The following OCA2 variants were observed in gnomAD, a reference collection of about 807,000 sequenced individuals.
The protein encoded by OCA2 is P protein.
Under a neutral mutation model 100.2 loss-of-function variants are expected in OCA2, and 77 were observed. The observed-to-expected ratio is 0.77, with a 90% confidence interval of 0.64 to 0.93. The LOEUF (loss-of-function observed/expected upper bound fraction) is 0.93. OCA2 is among the 40% of genes least tolerant of loss of function. The probability of loss-of-function intolerance (pLI) is 0.00; values close to 1 mark genes in which losing one functional copy is unlikely to be tolerated. For synonymous variants in OCA2, 432 were observed against 439.2 expected, an observed-to-expected ratio of 0.98 and a Z score of 0.21; for missense variants, 1,062 against 1,089.1, an observed-to-expected ratio of 0.98 and a Z score of 0.35.
chr15:27,876,015 T>C (rs985062429), intron 19 of OCA2, among the ~76,000 whole-genome samples: 1 of 152,072 alleles, frequency 6.6e-6, no homozygotes, highest in African/African-American at 2.4e-5. Context: ...TTTATTTCTT[T>C]ATATTGTCAT....
the OCA2 span, among the ~76,000 whole-genome samples, chr15:27,735,777 GA>G: frequency 6.6e-6 from 1 of 152,062 alleles, no homozygotes; most frequent in East Asian, 1.9e-4. Flanking sequence ...TGCCAACCAA[GA>G]ATCTTGTACA....
rs145247627 is a variant in OCA2, at chr15:27,985,151, A to G, written c.1277T>C (p.Ile426Thr). ...GGCCGCGATGAGACAGAGCATGATG[A>G]TCATGGCCCACACCCGTCCCCGGGA... is the stretch of plus-strand genomic sequence containing the variant. ...RLSRGRVWAM[I>T]IMLCLIAAVL... Residue 426 changes from isoleucine to threonine, a missense_variant, in exon 13 of 24, where the codon ATC (isoleucine) becomes ACC (threonine). Physicochemically the swap from Ile to Thr is moderately conservative, Grantham distance 89. Coordinates refer to ENST00000354638, the MANE Select transcript of OCA2 (RefSeq NM_000275.3). 7 of 1,613,746 alleles carry G rather than the reference A, an allele frequency of 4.3e-6. No homozygotes were observed. In the African/African-American group the frequency reaches 9.3e-5, roughly 22 times the overall value.
intron 1 of OCA2, among the ~76,000 whole-genome samples, chr15:28,085,993 C>A: frequency 6.6e-6 from 1 of 152,164 alleles, no homozygotes; most frequent in Non-Finnish European, 1.5e-5. Flanking sequence ...TGGGCACCCT[C>A]CAAAGGCTAT....
intron 23 of OCA2, among the ~76,000 whole-genome samples, chr15:27,771,487 G>A (rs549508532): frequency 3.0e-4 from 46 of 152,238 alleles, no homozygotes; most frequent in Non-Finnish European, 5.9e-4. Flanking sequence ...CCCAGCTGGG[G>A]GGTGCTCCGT....
intron 19 of OCA2, among the ~76,000 whole-genome samples, chr15:27,877,206 C>T (rs2036826184): frequency 6.6e-6 from 1 of 151,900 alleles, no homozygotes; most frequent in Admixed American, 6.6e-5. Flanking sequence ...TGATTTCTAA[C>T]TTAAATTTGT....
chr15:27,757,427 A>C (rs1311838713), intron 23 of OCA2, among the ~76,000 whole-genome samples: 1 of 152,210 alleles, frequency 6.6e-6, no homozygotes, highest in Non-Finnish European at 1.5e-5. Context: ...CCCCTATTAT[A>C]TAGATGAAGC....
intron 23 of OCA2, among the ~76,000 whole-genome samples, chr15:27,766,185 G>A (rs1009507439): frequency 2.0e-5 from 3 of 152,114 alleles, no homozygotes; most frequent in African/African-American, 7.2e-5. Flanking sequence ...GGAAACAGAT[G>A]AAATTAAGTA....
At chr15:27,830,914 T>C (rs2034923677) in intron 23 of OCA2, among the ~76,000 whole-genome samples, 1 of 152,142 alleles carries the variant, frequency 6.6e-6, no homozygotes, top group African/African-American at 2.4e-5. Context: ...CCCAATTCAT[T>C]TGATGGAGCT....
intron 18 of OCA2, among the ~76,000 whole-genome samples, chr15:27,950,057 A>G (rs1452592755): frequency 6.6e-6 from 1 of 152,272 alleles, no homozygotes; most frequent in Non-Finnish European, 1.5e-5. Context: ...GCAGGCTAAA[A>G]GTTTCATAGT....
At chr15:27,988,159 T>C (rs1167692681) in intron 11 of OCA2, among the ~76,000 whole-genome samples, 3 of 151,880 alleles carry the variant, frequency 2.0e-5, no homozygotes, top group Non-Finnish European at 4.4e-5. Context: ...GGGTAAATGG[T>C]CCCATGGGTG....
intron 19 of OCA2, among the ~76,000 whole-genome samples, chr15:27,921,902 A>G (rs1418108208): frequency 1.3e-5 from 2 of 152,132 alleles, no homozygotes; most frequent in African/African-American, 2.4e-5. Context: ...AAGTCTCACT[A>G]TGTTACCCAG....
chr15:27,907,281 C>A (rs536670321), intron 19 of OCA2, among the ~76,000 whole-genome samples: 20 of 152,160 alleles, frequency 1.3e-4, no homozygotes, highest in African/African-American at 4.3e-4. Context: ...TAAAAATGTT[C>A]TATTGAAACA....
At chr15:27,751,980 T>C (rs192533082), downstream of OCA2, among the ~76,000 whole-genome samples, 11 of 152,348 alleles carry the variant, frequency 7.2e-5, no homozygotes, top group Admixed American at 6.5e-5. Context: ...TCTTCTGTTA[T>C]GAAGTATGTT....
chr15:27,792,825 G>A (rs923651780), intron 23 of OCA2, among the ~76,000 whole-genome samples: 3 of 152,208 alleles, frequency 2.0e-5, no homozygotes, highest in African/African-American at 7.2e-5. Context: ...GTCGACTTGA[G>A]ACAAGGAGAG....
At chr15:28,084,941 A>ACCACT (rs1320300152) in intron 1 of OCA2, among the ~76,000 whole-genome samples, 1 of 152,134 alleles carries the variant, frequency 6.6e-6, no homozygotes, top group Admixed American at 6.5e-5. Flanking sequence ...GGGGACATCC[A>ACCACT]CCACTTTGCT....
intron 23 of OCA2, among the ~76,000 whole-genome samples, chr15:27,800,139 A>C (rs2033533095): frequency 6.6e-6 from 1 of 152,218 alleles, no homozygotes; most frequent in Admixed American, 6.5e-5. Context: ...GGAAACTAGA[A>C]ATTTTGTTTT....
At chr15:27,853,004 A>C (rs2035815993) in intron 21 of OCA2, among the ~76,000 whole-genome samples, 5 of 122,532 alleles carry the variant, frequency 4.1e-5, no homozygotes, top group Non-Finnish European at 6.8e-5. Context: ...CCATTGTGGA[A>C]GTCAGTGTGG....
At chr15:27,965,452 T>C (rs2040533969) in intron 15 of OCA2, among the ~76,000 whole-genome samples, 1 of 152,222 alleles carries the variant, frequency 6.6e-6, no homozygotes, top group South Asian at 2.1e-4. Context: ...AACAATGTTT[T>C]CTTAATGAGA....
intron 19 of OCA2, among the ~76,000 whole-genome samples, chr15:27,918,934 T>C (rs779789372): frequency 2.0e-5 from 3 of 152,138 alleles, no homozygotes; most frequent in African/African-American, 4.8e-5. Context: ...GTTCCCCTAA[T>C]TGCCTAGGTT....
Sources: allele counts gnomAD v4.1 joint callset (sites outside exome capture counted in the v4.1 genomes callset), GRCh38; gene constraint gnomAD v4.1.1; transcripts MANE v1.5; gene names NCBI Gene and HGNC (gene_info 2026-07-23, HGNC 2026-07-21).